MCTP2: variants seen among roughly 807,000 people sequenced by gnomAD.
MCTP2 encodes the protein multiple C2 and transmembrane domain-containing protein 2.
Under a neutral mutation model 111.6 loss-of-function variants are expected in MCTP2, and 132 were observed. The observed-to-expected ratio is 1.18, with a 90% CI of 1.03 to 1.37. The LOEUF (loss-of-function observed/expected upper bound fraction) is 1.37. Among genes scored for constraint, MCTP2 ranks in the 40% most tolerant of loss-of-function variants. The probability of loss-of-function intolerance (pLI) is 0.00; values close to 1 mark genes in which losing one functional copy is unlikely to be tolerated. For synonymous variants in MCTP2, 395 were observed against 387.7 expected (o/e 1.02, Z -0.22); for missense variants, 1,183 against 1,067.9 (o/e 1.11, Z -1.50).
intron 1 of MCTP2, among the ~76,000 whole-genome samples, chr15:94,249,809 C>T (rs2072282806): frequency 6.6e-6 from 1 of 152,020 alleles, no homozygotes; most frequent in East Asian, 1.9e-4. Flanking sequence ...AATAACAGCT[C>T]TTCAGGTAGC....
intron 1 of MCTP2, among the ~76,000 whole-genome samples, chr15:94,249,662 T>A (rs2072269867): frequency 6.6e-6 from 1 of 152,108 alleles, no homozygotes; most frequent in East Asian, 1.9e-4. Flanking sequence ...ATTTTTTGTA[T>A]TTTTAGTAGA....
At chr15:94,372,583 T>G (rs983743721) in intron 12 of MCTP2, among the ~76,000 whole-genome samples, 5 of 152,162 alleles carry the variant, frequency 3.3e-5, no homozygotes, top group Non-Finnish European at 5.9e-5. Flanking sequence ...TCAAAGTATG[T>G]AGTAAAAAAA....
Position 94,315,414 on chromosome 15 carries a change from C to T in MCTP2, c.529-115C>T. ...CATAGTGAGGAGGAGTTGGGGATGA[C>T]AGTCGATCATCATAGTGGCCTTTCT... On this transcript the variant is annotated intron_variant, in intron 3 of 22. Coordinates refer to ENST00000357742, the MANE Select transcript of MCTP2 (RefSeq NM_001385001.1). 5 of 676,538 alleles carry T rather than the reference C, an allele frequency of 7.4e-6. No individual in the cohort carries two copies. In the South Asian group the frequency reaches 9.8e-5, roughly 13 times the overall value. The allele number at this position is 676,538 out of a possible 1,614,324, so 41.9% of individuals were successfully genotyped here.
intron 1 of MCTP2, among the ~76,000 whole-genome samples, chr15:94,288,630 T>A (rs1441101541): frequency 6.6e-6 from 1 of 152,220 alleles, no homozygotes; most frequent in Non-Finnish European, 1.5e-5. Context: ...ACATTCAAAA[T>A]GTCCAAGGTA....
chr15:94,391,171 T>C (rs1293669795), intron 14 of MCTP2, among the ~76,000 whole-genome samples: 1 of 152,116 alleles, frequency 6.6e-6, no homozygotes, highest in East Asian at 1.9e-4. Context: ...GTACACCCGA[T>C]AGCTGGCTGC....
intron 21 of MCTP2, chr15:94,476,394 A>G (rs1162387555): frequency 5.1e-6 from 1 of 195,774 alleles, no homozygotes; most frequent in Non-Finnish European, 1.0e-5. Flanking sequence ...TGGGATTTTC[A>G]CAGCTGAAGA....
intron 2 of MCTP2, among the ~76,000 whole-genome samples, chr15:94,307,965 C>CATAATA (rs140379246): frequency 1.3e-5 from 2 of 151,468 alleles, no homozygotes; most frequent in East Asian, 1.9e-4. Flanking sequence ...TAATATAATT[C>CATAATA]ATAATAATAA....
intron 4 of MCTP2, among the ~76,000 whole-genome samples, chr15:94,319,885 A>G (rs1230549481): frequency 6.6e-6 from 1 of 152,232 alleles, no homozygotes; most frequent in Non-Finnish European, 1.5e-5. Flanking sequence ...TTTAGTCTTT[A>G]TAACGTGTTC....
intron 19 of MCTP2, among the ~76,000 whole-genome samples, chr15:94,446,221 T>A (rs2084108246): frequency 6.6e-6 from 1 of 152,214 alleles, no homozygotes; most frequent in Non-Finnish European, 1.5e-5. Flanking sequence ...TTTTGCCTTG[T>A]AGGAGATGAA....
intron 4 of MCTP2, 130 bp downstream of exon 4, chr15:94,315,767 T>A: frequency 1.6e-6 from 1 of 644,678 alleles, no homozygotes; most frequent in Non-Finnish European, 2.8e-6. Context: ...AATCTAAGTC[T>A]CTCCAGGTAT....
chr15:94,425,381 T>C (rs1164643536), intron 17 of MCTP2, among the ~76,000 whole-genome samples: 1 of 152,164 alleles, frequency 6.6e-6, no homozygotes, highest in Non-Finnish European at 1.5e-5. Flanking sequence ...AATGTCTTGG[T>C]AAGAGAGCTC....
chr15:94,347,901 T>TACACACACAC (rs57419585), intron 8 of MCTP2, among the ~76,000 whole-genome samples: 42 of 149,574 alleles, frequency 2.8e-4, no homozygotes, highest in Non-Finnish European at 4.6e-4. Context: ...CACACAGACA[T>TACACACACAC]ACACACACAC....
intron 10 of MCTP2, among the ~76,000 whole-genome samples, chr15:94,366,749 C>T (rs1163316603): frequency 6.6e-6 from 1 of 152,126 alleles, no homozygotes; most frequent in Non-Finnish European, 1.5e-5. Context: ...CCCCACTTTA[C>T]TCAACCCCAC....
intron 1 of MCTP2, among the ~76,000 whole-genome samples, chr15:94,286,635 A>G (rs1482476197): frequency 1.3e-5 from 2 of 152,168 alleles, no homozygotes; most frequent in African/African-American, 4.8e-5. Context: ...CCTCTTTCCT[A>G]CCTTGCGGTT....
intron 20 of MCTP2, among the ~76,000 whole-genome samples, chr15:94,466,191 T>G (rs944144389): frequency 6.6e-6 from 1 of 152,180 alleles, no homozygotes; most frequent in South Asian, 2.1e-4. Context: ...TATGATTTAA[T>G]ATATTGGATT....
chr15:94,425,374 G>A (rs2082833263), intron 17 of MCTP2, among the ~76,000 whole-genome samples: 1 of 152,094 alleles, frequency 6.6e-6, no homozygotes, highest in African/African-American at 2.4e-5. Flanking sequence ...CTTCAAGAAT[G>A]TCTTGGTAAG....
At chr15:94,405,832 G>A (rs1461986591) in intron 17 of MCTP2, among the ~76,000 whole-genome samples, 1 of 151,868 alleles carries the variant, frequency 6.6e-6, no homozygotes, top group East Asian at 1.9e-4. Context: ...CAGATATTTT[G>A]GTATCTTGCC....
intron 17 of MCTP2, among the ~76,000 whole-genome samples, chr15:94,418,488 A>G (rs903373814): frequency 6.6e-6 from 1 of 152,172 alleles, no homozygotes; most frequent in Non-Finnish European, 1.5e-5. Flanking sequence ...ACCTTCTGCA[A>G]AGACGTATAA....
At chr15:94,405,405 A>G (rs2081850492) in intron 17 of MCTP2, among the ~76,000 whole-genome samples, 1 of 152,240 alleles carries the variant, frequency 6.6e-6, no homozygotes, top group Non-Finnish European at 1.5e-5. Flanking sequence ...GCCTATGTAC[A>G]TGTGCATGAA....
Sources: gnomAD v4.1 joint callset for allele counts (sites outside exome capture counted in the v4.1 genomes callset) on GRCh38, gnomAD v4.1.1 for gene constraint, MANE v1.5 for transcripts, NCBI Gene and HGNC (gene_info 2026-07-23, HGNC 2026-07-21) for gene names.